Variants in SELENOO observed in about 807,000 individuals in gnomAD.
SELENOO encodes protein adenylyltransferase SelO, mitochondrial.
SELENOO carries 74 observed loss-of-function variants against 58.7 expected under a neutral mutation model. The observed-to-expected ratio is 1.26, with a 90% confidence interval of 1.04 to 1.53. The LOEUF is 1.53. SELENOO is among the 40% of genes most tolerant of loss of function. The pLI, the probability that SELENOO is intolerant of heterozygous loss-of-function variation, is 0.00. For missense variants in SELENOO, 1,149 were observed against 970.0 expected (o/e 1.18, Z -2.45); for synonymous variants, 543 against 453.2 (o/e 1.20, Z -2.52).
At position 50,216,678 on chromosome 22, in the gene SELENOO, G is replaced by T; in HGVS notation, c.1503-13G>T. ...TCAGGGGCTACCTCCCAGACACCCT[G>T]GCCTCTCCACAGGCAGCTATCCATG... On this transcript the variant is annotated splice_polypyrimidine_tract_variant and intron_variant, in intron 6 of 8. Transcript: ENST00000380903. 6.4e-7 allele frequency: 1 copy of T among 1,573,318 alleles called. No homozygotes were observed. Among genetic ancestry groups the T allele is most frequent in the South Asian group, 1.2e-5 (1 of 86,802 alleles).
chr22:50,208,340 G>C (rs2147160859), intron 2 of SELENOO, 196 bp from the exon 3 acceptor site: 1 of 484,872 alleles, frequency 2.1e-6, no homozygotes, highest in African/African-American at 2.0e-5. Context: ...TGAGGCAGTA[G>C]AATCACTTGA....
chr22:50,210,494 A>C lies in SELENOO; in HGVS notation c.1071-137A>C, dbSNP rs2147163075. 3.6e-6 allele frequency: 5 copies of C among 1,399,956 alleles called. No individual in the cohort carries two copies. The South Asian group carries it at 3.9e-5, about 11-fold the overall frequency. The allele number at this position is 1,399,956 out of a possible 1,614,324, so 86.7% of individuals were successfully genotyped here. A position where few individuals can be genotyped will look rare whatever the true frequency, so the allele number is the denominator to read the frequency against. On this transcript the variant is annotated intron_variant, in intron 4 of 8. Coordinates refer to ENST00000380903, the MANE Select transcript of SELENOO (RefSeq NM_031454.2). ...GAGGCCTTGGCCAGGGGCTGGTGAG[A>C]CAGGACCCCTGTGGGACAGGGCCAG...
rs1283924093 is a variant in SELENOO, at chr22:50,210,314, A to G, written c.1070+3A>G. ...GGGCCCTTTGGCTTCCTGGACAGGT[A>G]AGTGGCCCTGGGGCCCAGCAAAGTG... is the stretch of plus-strand genomic sequence containing the variant. On this transcript the variant is annotated splice_donor_region_variant and intron_variant, in intron 4 of 8. Transcript: ENST00000380903. 6.2e-7 allele frequency: 1 copy of G among 1,612,486 alleles called. No homozygotes were observed. The highest frequency in any genetic ancestry group is 8.5e-7 in the Non-Finnish European group (1 of 1,179,756).
chr22:50,213,512 G>A lies in SELENOO; in HGVS notation c.1352-2205G>A, dbSNP rs7288757. On this transcript the variant is annotated intron_variant, in intron 5 of 8. Coordinates refer to ENST00000380903, the MANE Select transcript of SELENOO (RefSeq NM_031454.2). Reference sequence around the variant, plus strand: ...TGTGCTCTCTTTTGCTGGGCAGAGCGTCCTGTACCCGTGTGCCCTGGAGAA... The same window carrying A: ...TGTGCTCTCTTTTGCTGGGCAGAGCATCCTGTACCCGTGTGCCCTGGAGAA... Among the ~76,000 whole-genome samples the A allele has an allele frequency of 6.0e-3, 910 of 151,060 alleles. 14 individuals carry two copies. The highest frequency in any genetic ancestry group is 0.021 in the African/African-American group (863 of 41,430).
intron 5 of SELENOO, among the ~76,000 whole-genome samples, chr22:50,211,902 C>A (rs931788409): frequency 2.6e-5 from 4 of 152,160 alleles, no homozygotes; most frequent in African/African-American, 9.7e-5. Flanking sequence ...AGGGTTTCGC[C>A]GTGTTGGTCA....
chr22:50,207,626 GCCCCGC>G (rs1360535309), intron 2 of SELENOO, among the ~76,000 whole-genome samples: 1 of 150,730 alleles, frequency 6.6e-6, no homozygotes, highest in Non-Finnish European at 1.5e-5. Flanking sequence ...TTCCTCTGAG[GCCCCGC>G]CCAGCGGCAA....
Position 50,217,188 on chromosome 22 carries a change from C to T in SELENOO, c.1846-17C>T, listed in dbSNP as rs1340186143. The stretch of plus-strand genomic sequence containing the variant: ...GGGGGTCGGCCCCAGACCCCTCTCA[C>T]CCTCCTGATCCTCCAGGTGCGGCGG... On this transcript the variant is annotated splice_polypyrimidine_tract_variant and intron_variant, in intron 8 of 8. Coordinates refer to ENST00000380903, the MANE Select transcript of SELENOO (RefSeq NM_031454.2). The T allele has an allele frequency of 4.3e-6, 7 of 1,611,586 alleles. No homozygotes were observed. The highest frequency in any genetic ancestry group is 5.9e-6 in the Non-Finnish European group (7 of 1,178,866).
chr22:50,210,640 C>G lies in SELENOO; in HGVS notation c.1080C>G (p.Pro360=), dbSNP rs375399882. 1 of 1,612,868 alleles carries G rather than the reference C, an allele frequency of 6.2e-7. No homozygotes were observed. The highest frequency in any genetic ancestry group is 8.5e-7 in the Non-Finnish European group (1 of 1,179,832). The change falls in exon 5 of 9, where the codon CCC becomes CCG. Residue 360 remains proline (P), a synonymous_variant. Transcript: ENST00000380903. Reference sequence around the variant, plus strand: ...TTGCCCCGTGTGGCAGGTACGACCCCGACCACGTGTGCAATGCCTCCGACA... The same window carrying G: ...TTGCCCCGTGTGGCAGGTACGACCCGGACCACGTGTGCAATGCCTCCGACA... ...GPFGFLDRYD[P]DHVCNASDNT...
intron 5 of SELENOO, among the ~76,000 whole-genome samples, 175 bp from the exon 6 acceptor site, chr22:50,215,542 G>A (rs1193753816): frequency 3.3e-5 from 5 of 151,162 alleles, no homozygotes; most frequent in African/African-American, 1.2e-4. Flanking sequence ...CCAGGTGGAG[G>A]GTGTGGGTCA....
chr22:50,201,367 C>G lies in SELENOO; in HGVS notation c.331C>G (p.Pro111Ala), dbSNP rs2147155161. 2 of 1,209,228 alleles carry G rather than the reference C, an allele frequency of 1.7e-6. No individual in the cohort carries two copies. Among genetic ancestry groups the G allele is most frequent in the Middle Eastern group, 3.3e-4 (1 of 3,028 alleles). The allele number at this position is 1,209,228 out of a possible 1,614,324, so 74.9% of individuals were successfully genotyped here. ...PALALLGLGA[P>A]PAREAEAEAA... ...GCTGGCGTTGCTGGGCCTGGGCGCG[C>G]CGCCCGCGCGCGAGGCCGAGGCCGA... Residue 111 changes from proline (P) to alanine (A), a missense_variant, in exon 1 of 9, where the codon CCG (proline) becomes GCG (alanine). Pro to Ala is a conservative substitution (Grantham distance 27). Transcript: ENST00000380903.
In SELENOO at chr22:50,210,929, G is replaced by A. The variant is rs1449588326; in HGVS notation, c.1351+18G>A. 8 of 1,613,690 alleles carry A rather than the reference G, an allele frequency of 5.0e-6. No individual in the cohort carries two copies. Among genetic ancestry groups the A allele is most frequent in the African/African-American group, 1.3e-5 (1 of 75,048 alleles). ...TCTGACCGGTGAGTGACCCAGCCGT[G>A]CCCACAGCAAGGCGCCTCCCGTGCT... On this transcript the variant is annotated intron_variant, in intron 5 of 8. Transcript: ENST00000380903.
At chr22:50,215,917 A>G (rs765977699) in intron 6 of SELENOO, 50 bp downstream of exon 6, 1 of 1,520,532 alleles carries the variant, frequency 6.6e-7, no homozygotes. Context: ...AAAAGGAAGC[A>G]TAATCAGAAA....
intron 5 of SELENOO, among the ~76,000 whole-genome samples, chr22:50,215,138 G>A (rs1157180423): frequency 6.6e-6 from 1 of 152,140 alleles, no homozygotes; most frequent in Admixed American, 6.5e-5. Flanking sequence ...GTGTTTTCCA[G>A]AGTCAGGGGG....
At chr22:50,209,866 C>T (rs1569102493) in intron 3 of SELENOO, among the ~76,000 whole-genome samples, 1 of 152,210 alleles carries the variant, frequency 6.6e-6, no homozygotes, top group African/African-American at 2.4e-5. Flanking sequence ...AGGTGTGGCC[C>T]CTCAGTGAAC....
At chr22:50,216,382 G>C (rs1602497546) in intron 6 of SELENOO, among the ~76,000 whole-genome samples, 1 of 152,274 alleles carries the variant, frequency 6.6e-6, no homozygotes, top group Non-Finnish European at 1.5e-5. Context: ...AATGAGGGAA[G>C]TGCTAACAGC....
In SELENOO at chr22:50,201,570, C is replaced by T; in HGVS notation, c.534C>T (p.Ala178=). The T allele has an allele frequency of 3.0e-6, 4 of 1,352,252 alleles. No homozygotes were observed. The highest frequency in any genetic ancestry group is 3.8e-6 in the Non-Finnish European group (4 of 1,046,174). 83.8% of individuals were successfully genotyped at this position (1,352,252 alleles called of 1,614,324 possible). A position where few individuals can be genotyped will look rare whatever the true frequency, so the allele number is the denominator to read the frequency against. Residue 178 remains alanine, a synonymous_variant, in exon 1 of 9, where the codon GCC becomes GCT. Transcript: ENST00000380903. ...GERWELQLKG[A]GPTPFSRQAD... is the part of the protein sequence containing the mutation. ...GCTGGGAGCTGCAGCTCAAGGGCGC[C>T]GGGCCCACGCCCTTCTCCAGGTGGG...
Position 50,215,885 on chromosome 22 carries a change from A to G in SELENOO, c.1502+18A>G, listed in dbSNP as rs775402394. 35 of 1,575,598 alleles carry G rather than the reference A, an allele frequency of 2.2e-5. No individual in the cohort carries two copies. The highest frequency in any genetic ancestry group is 2.7e-5 in the African/African-American group (2 of 73,514). Reference sequence around the variant, plus strand: ...GATCCCCGGTGGGTACTCAGTTCCTACTTCTTTGGATTTGTTTCCAGAAAA... The same window carrying G: ...GATCCCCGGTGGGTACTCAGTTCCTGCTTCTTTGGATTTGTTTCCAGAAAA... On this transcript the variant is annotated intron_variant, in intron 6 of 8. Transcript: ENST00000380903.
intron 5 of SELENOO, among the ~76,000 whole-genome samples, chr22:50,213,075 T>C (rs1468687356): frequency 1.3e-5 from 2 of 152,166 alleles, no homozygotes; most frequent in South Asian, 2.1e-4. Flanking sequence ...GTTTTTTTGG[T>C]TTTTAGACGG....
chr22:50,215,635 TGGGGGGGGGGG>T, intron 5 of SELENOO, 71 bp from the exon 6 acceptor site: 1 of 892,014 alleles, frequency 1.1e-6, no homozygotes, highest in Non-Finnish European at 1.5e-6. Context: ...GCCAGGGGGG[TGGGGGGGGGGG>T]GGTCTGTGTG....
Sources: allele counts gnomAD v4.1 joint callset (sites outside exome capture counted in the v4.1 genomes callset), GRCh38; gene constraint gnomAD v4.1.1; transcripts MANE v1.5; gene names NCBI Gene and HGNC (gene_info 2026-07-23, HGNC 2026-07-21).